Variants in MVB12B observed in about 807,000 individuals in gnomAD.
MVB12B encodes multivesicular body subunit 12B.
Under a neutral mutation model 41.6 loss-of-function variants are expected in MVB12B, and 16 were observed. The ratio of observed to expected loss-of-function variants is 0.38; its 90% CI spans 0.26 to 0.58. The LOEUF is 0.58. MVB12B is among the 20% of genes least tolerant of loss of function. MVB12B has a pLI of 0.62. For synonymous variants in MVB12B, 133 were observed against 139.7 expected (o/e 0.95, Z 0.34); for missense variants, 274 against 380.2 (o/e 0.72, Z 2.32).
In MVB12B at chr9:126,421,858, A is replaced by G. The variant is rs571157881; in HGVS notation, c.667A>G (p.Ile223Val). 1 of 1,613,234 alleles carries G rather than the reference A, an allele frequency of 6.2e-7. No individual in the cohort carries two copies. The highest frequency in any genetic ancestry group is 8.5e-7 in the Non-Finnish European group (1 of 1,179,260). The change falls in exon 7 of 10, where the codon ATC becomes GTC. Residue 223 changes from isoleucine (I) to valine (V), a missense_variant. Coordinates refer to ENST00000361171, the MANE Select transcript of MVB12B (RefSeq NM_033446.3). ...TCTCGTCCTTCTCTTCCTCAGGCAC[A>G]TCTCCCTAACACTTCCTGCCACCTT... ...STPAPNLPRH[I>V]SLTLPATFRG...
chr9:126,410,186 C>T (rs563560448), intron 6 of MVB12B, among the ~76,000 whole-genome samples: 4 of 148,986 alleles, frequency 2.7e-5, no homozygotes, highest in South Asian at 2.1e-4. Context: ...CGCATGCACG[C>T]GCATGCATGC....
At chr9:126,356,361 A>T (rs921751758) in intron 2 of MVB12B, among the ~76,000 whole-genome samples, 1 of 152,128 alleles carries the variant, frequency 6.6e-6, no homozygotes, top group Non-Finnish European at 1.5e-5. Context: ...TTCTTAGTTA[A>T]GTTTTAAAGT....
chr9:126,420,896 G>GA (rs1338582189), intron 6 of MVB12B, among the ~76,000 whole-genome samples: 3 of 152,108 alleles, frequency 2.0e-5, no homozygotes, highest in Non-Finnish European at 2.9e-5. Flanking sequence ...TGTGCTGTGT[G>GA]AAAAAGGCAC....
At chr9:126,385,655 A>G (rs1830765791) in intron 3 of MVB12B, among the ~76,000 whole-genome samples, 1 of 152,230 alleles carries the variant, frequency 6.6e-6, no homozygotes, top group African/African-American at 2.4e-5. Flanking sequence ...CGTGGAGTGC[A>G]CTGCTAGTAT....
rs571220536 is a variant in MVB12B, at chr9:126,329,886, G to A, written c.81+2876G>A. Among the ~76,000 whole-genome samples the A allele has an allele frequency of 2.1e-3, 325 of 151,980 alleles. 3 individuals are homozygous for A. Among genetic ancestry groups the A allele is most frequent in the African/African-American group, 7.6e-3 (314 of 41,432 alleles). On this transcript the variant is annotated intron_variant, in intron 1 of 9. Transcript: ENST00000361171. ...TCCCCAGGCTGCTCTGGCTCTCACC[G>A]AGGCCCACCCTGGCCAGCATTTCCC...
At chr9:126,443,962 GTC>G (rs1344668961) in intron 7 of MVB12B, among the ~76,000 whole-genome samples, 2 of 152,210 alleles carry the variant, frequency 1.3e-5, no homozygotes, top group Non-Finnish European at 2.9e-5. Context: ...AGCTTTGTGT[GTC>G]TCTCAGCATA....
At chr9:126,500,950 CCT>C (rs1447680613) in intron 9 of MVB12B, among the ~76,000 whole-genome samples, 1 of 152,260 alleles carries the variant, frequency 6.6e-6, no homozygotes, top group Non-Finnish European at 1.5e-5. Context: ...CCCGCCCCCT[CCT>C]CTGCTACCTT....
At chr9:126,348,405 C>T (rs1829656608) in intron 2 of MVB12B, among the ~76,000 whole-genome samples, 1 of 152,212 alleles carries the variant, frequency 6.6e-6, no homozygotes, top group African/African-American at 2.4e-5. Flanking sequence ...ACGAGGTGTG[C>T]AGGAGGCAAA....
At chr9:126,388,877 C>T (rs1334505773) in intron 4 of MVB12B, among the ~76,000 whole-genome samples, 1 of 152,214 alleles carries the variant, frequency 6.6e-6, no homozygotes, top group Non-Finnish European at 1.5e-5. Context: ...GATCACTTTC[C>T]TCCTTTTCCC....
intron 2 of MVB12B, among the ~76,000 whole-genome samples, chr9:126,346,927 G>T (rs1389691743): frequency 6.6e-6 from 1 of 152,250 alleles, no homozygotes; most frequent in Non-Finnish European, 1.5e-5. Flanking sequence ...TCAGAAGCAA[G>T]GTTAGAGTGG....
chr9:126,347,741 G>A (rs1202750397), intron 2 of MVB12B, among the ~76,000 whole-genome samples: 10 of 152,136 alleles, frequency 6.6e-5, no homozygotes, highest in Non-Finnish European at 1.3e-4. Context: ...TAAAAATCAC[G>A]TTATGAAAAA....
chr9:126,500,298 ATC>A (rs1833927056), intron 9 of MVB12B, among the ~76,000 whole-genome samples: 2 of 152,172 alleles, frequency 1.3e-5, no homozygotes, highest in Non-Finnish European at 2.9e-5. Flanking sequence ...TCCCTCTATC[ATC>A]TGAGATGCTT....
At chr9:126,450,226 A>C (rs1278065384) in intron 7 of MVB12B, among the ~76,000 whole-genome samples, 1 of 152,194 alleles carries the variant, frequency 6.6e-6, no homozygotes, top group African/African-American at 2.4e-5. Flanking sequence ...CTGGGAAGGA[A>C]GGTCTGGCTC....
At chr9:126,463,444 A>C (rs975691672) in intron 7 of MVB12B, among the ~76,000 whole-genome samples, 1 of 152,168 alleles carries the variant, frequency 6.6e-6, no homozygotes, top group Admixed American at 6.5e-5. Context: ...TCCATAAATT[A>C]AGTTTTATTA....
intron 7 of MVB12B, among the ~76,000 whole-genome samples, chr9:126,456,151 A>T (rs1297467526): frequency 1.3e-5 from 2 of 152,120 alleles, no homozygotes; most frequent in African/African-American, 4.8e-5. Flanking sequence ...TTGGCCTTCC[A>T]AAGTGCTGGG....
rs1202506075 is a variant in MVB12B, at chr9:126,436,702, TTGTC to T, written c.757+14757_757+14760del. 1.3e-5 allele frequency among the ~76,000 whole-genome samples: 2 copies of T among 152,200 alleles called. No individual in the cohort carries two copies. Among genetic ancestry groups the T allele is most frequent in the Admixed American group, 6.5e-5 (1 of 15,276 alleles). ...CCGTAGTGGCTCAGCATATAGTCCT[TTGTC>T]TGGCAGTCCAGTCCACTTGTGGGCA... On this transcript the variant is annotated intron_variant, in intron 7 of 9. Coordinates refer to ENST00000361171, the MANE Select transcript of MVB12B (RefSeq NM_033446.3). This position sits in a 1 kb window ranked among gnomAD's most constrained non-coding sequence, Gnocchi z 4.1.
At chr9:126,358,394 A>C (rs1331745147) in intron 2 of MVB12B, among the ~76,000 whole-genome samples, 1 of 151,980 alleles carries the variant, frequency 6.6e-6, no homozygotes. Context: ...GTGTGGGTCA[A>C]TTCGCAGGTA....
intron 6 of MVB12B, among the ~76,000 whole-genome samples, chr9:126,402,120 G>A (rs1203377598): frequency 6.6e-6 from 1 of 152,196 alleles, no homozygotes; most frequent in Non-Finnish European, 1.5e-5. Context: ...GGGTTCAGTA[G>A]GGGAAGGCTC....
chr9:126,377,810 G>A (rs1412173655), intron 2 of MVB12B, among the ~76,000 whole-genome samples: 4 of 152,170 alleles, frequency 2.6e-5, no homozygotes, highest in Admixed American at 2.6e-4. Flanking sequence ...ACAGAGCCCC[G>A]GGACAACTGA....
Sources: allele counts gnomAD v4.1 joint callset (sites outside exome capture counted in the v4.1 genomes callset), GRCh38; gene constraint gnomAD v4.1.1; non-coding constraint Gnocchi (gnomAD v3.1); transcripts MANE v1.5; gene names NCBI Gene and HGNC (gene_info 2026-07-23, HGNC 2026-07-21).